STS: variants seen among roughly 807,000 people sequenced by gnomAD.
STS encodes the protein steroid sulfatase.
STS carries 7 observed loss-of-function variants against 26.8 expected under a neutral mutation model. The observed-to-expected ratio is 0.26, with a 90% CI of 0.15 to 0.49. The LOEUF is 0.49. STS is among the 20% of genes least tolerant of loss of function. The probability of loss-of-function intolerance (pLI) is 0.98; values close to 1 mark genes in which losing one functional copy is unlikely to be tolerated. For missense variants in STS, 434 were observed against 465.6 expected (o/e 0.93, Z 0.63); for synonymous variants, 199 against 189.4 (o/e 1.05, Z -0.42).
intron 2 of STS, among the ~76,000 whole-genome samples, chrX:7,204,570 C>G (rs1327874636): frequency 1.1e-5 from 1 of 87,579 alleles, no homozygotes; most frequent in African/African-American, 4.2e-5. Context: ...TCCTTTTCTT[C>G]CTTTCCTTCC....
chrX:7,206,470 ATCTTT>A (rs1920950399), intron 2 of STS, among the ~76,000 whole-genome samples: 1 of 111,878 alleles, frequency 8.9e-6, no homozygotes, highest in Admixed American at 9.4e-5. Context: ...TTATTGATCA[ATCTTT>A]TCTTTTCTTT....
chrX:7,233,961 C>T (rs1459542346), intron 2 of STS, among the ~76,000 whole-genome samples: 1 of 112,025 alleles, frequency 8.9e-6, no homozygotes, highest in Non-Finnish European at 1.9e-5. Context: ...ATTGACAGCG[C>T]AGATGCTGAT....
intron 2 of STS, among the ~76,000 whole-genome samples, chrX:7,202,050 TGAG>T (rs1467708642): frequency 9.0e-6 from 1 of 111,614 alleles, no homozygotes; most frequent in Non-Finnish European, 1.9e-5. Flanking sequence ...GCTACAGAAA[TGAG>T]GACTGTCATT....
intron 8 of STS, among the ~76,000 whole-genome samples, chrX:7,324,727 G>C (rs977180449): frequency 9.0e-6 from 1 of 111,414 alleles, no homozygotes; most frequent in African/African-American, 3.3e-5. Flanking sequence ...CTGAACTAGT[G>C]TTTCAGGTTA....
chrX:7,176,516 A>G (rs1933572982), intron 1 of STS, among the ~76,000 whole-genome samples: 1 of 111,876 alleles, frequency 8.9e-6, no homozygotes, highest in African/African-American at 3.3e-5. Context: ...GTATTAGTCC[A>G]TTCTCACACT....
chrX:7,337,490 A>T (rs191516690), intron 10 of STS, among the ~76,000 whole-genome samples: 1 of 112,615 alleles, frequency 8.9e-6, no homozygotes, highest in African/African-American at 3.2e-5. Flanking sequence ...AGGTCATCTC[A>T]GATAGACTTT....
At chrX:7,323,041 C>A (rs5934937) in intron 8 of STS, among the ~76,000 whole-genome samples, 1 of 110,653 alleles carries the variant, frequency 9.0e-6, no homozygotes, top group Non-Finnish European at 1.9e-5. Flanking sequence ...TTTTTTGTGC[C>A]TCTCTTGCAG....
chrX:7,288,618 A>G (rs756581055), intron 7 of STS, among the ~76,000 whole-genome samples: 11 of 102,122 alleles, frequency 1.1e-4, no homozygotes, highest in African/African-American at 3.9e-4. Context: ...TAGATATTTC[A>G]TCTGTGGAGG....
intron 1 of STS, among the ~76,000 whole-genome samples, chrX:7,186,809 G>A (rs181039041): frequency 8.9e-6 from 1 of 111,965 alleles, no homozygotes; most frequent in East Asian, 2.8e-4. Context: ...ATCATCTTAG[G>A]TCAAGTCATG....
At chrX:7,193,400 T>G (rs1169643455) in intron 2 of STS, among the ~76,000 whole-genome samples, 1 of 111,206 alleles carries the variant, frequency 9.0e-6, no homozygotes, top group African/African-American at 3.3e-5. Flanking sequence ...TGTTGTTGTT[T>G]ATTTAATTTC....
Position 7,223,467 on chromosome X carries a change from G to A in STS, c.-4-29729G>A, listed in dbSNP as rs781081107. Among the ~76,000 whole-genome samples, 4 of 111,887 alleles carry A rather than the reference G, an allele frequency of 3.6e-5. No homozygotes were observed. In the South Asian group the frequency reaches 1.5e-3, roughly 42 times the overall value. On this transcript the variant is annotated intron_variant, in intron 2 of 10. Transcript: ENST00000674429. ...ATGGTGGAAGATGGTACCTCATTGT[G>A]GTTTTGATTTGCATTTCTCCGATGA...
At chrX:7,317,461 T>G (rs1467755401) in intron 8 of STS, among the ~76,000 whole-genome samples, 1 of 110,276 alleles carries the variant, frequency 9.1e-6, no homozygotes, top group African/African-American at 3.3e-5. Flanking sequence ...TTTGGTTTGT[T>G]TGTTTGTTTG....
intron 7 of STS, among the ~76,000 whole-genome samples, chrX:7,303,410 G>A (rs368011708): frequency 4.9e-4 from 55 of 111,225 alleles, no homozygotes; most frequent in African/African-American, 1.5e-3. Flanking sequence ...GAAAAGAAAC[G>A]GATTCTGCTG....
At chrX:7,279,186 C>G (rs1924685278) in intron 7 of STS, among the ~76,000 whole-genome samples, 1 of 107,200 alleles carries the variant, frequency 9.3e-6, no homozygotes. Context: ...CACCTGTAAT[C>G]CCACCTACTG....
chrX:7,259,607 T>G lies in STS; in HGVS notation c.641T>G (p.Leu214Arg). 1 of 1,211,368 alleles carries G rather than the reference T, an allele frequency of 8.3e-7. No homozygotes were observed. Among genetic ancestry groups the G allele is most frequent in the Non-Finnish European group, 1.1e-6 (1 of 895,369 alleles). ...GTGCCTCTAGGCGTTTTTTTCAGCC[T>G]TCTCTTCCTAGCAGCCCTAATCCTG... ...LHVPLGVFFSLLFLAALILTL... is the reference protein window; with the variant it reads ...LHVPLGVFFSRLFLAALILTL... Residue 214 changes from leucine to arginine, a missense_variant, in exon 6 of 11, where the codon CTT becomes CGT. Leu to Arg is a moderately radical substitution (Grantham distance 102). Around this residue, in one of 2 missense-constraint regions of STS, gnomAD observed 229 missense variants for 288.3 expected, o/e 0.79. Transcript: ENST00000674429.
intron 2 of STS, among the ~76,000 whole-genome samples, chrX:7,217,052 C>A: frequency 9.0e-6 from 1 of 110,838 alleles, no homozygotes; most frequent in Non-Finnish European, 1.9e-5. Flanking sequence ...GGATTCATAG[C>A]CACGGAATAG....
intron 2 of STS, among the ~76,000 whole-genome samples, chrX:7,227,653 C>T (rs1411753692): frequency 9.0e-6 from 1 of 111,199 alleles, no homozygotes; most frequent in Non-Finnish European, 1.9e-5. Context: ...AAATAATGAA[C>T]GGTGACCTTA....
chrX:7,158,423 C>T (rs926684328), intron 1 of STS, among the ~76,000 whole-genome samples: 46 of 112,311 alleles, frequency 4.1e-4, no homozygotes, highest in African/African-American at 1.4e-3. Flanking sequence ...GAGACAACAT[C>T]GCCCGCATCT....
At chrX:7,315,694 T>C (rs1228350112) in intron 8 of STS, among the ~76,000 whole-genome samples, 1 of 111,096 alleles carries the variant, frequency 9.0e-6, no homozygotes, top group East Asian at 2.8e-4. Flanking sequence ...CCTGAAGAAC[T>C]TGGAGTCTGA....
Sources: allele counts gnomAD v4.1 joint callset (sites outside exome capture counted in the v4.1 genomes callset), GRCh38; gene constraint gnomAD v4.1.1; regional missense constraint gnomAD v4.1.1; transcripts MANE v1.5; gene names NCBI Gene and HGNC (gene_info 2026-07-23, HGNC 2026-07-21).